The following CLRN1 variants were observed in gnomAD, a reference collection of about 807,000 sequenced individuals.
CLRN1 encodes the protein clarin-1.
In CLRN1, 15 loss-of-function variants were observed where a neutral mutation model predicts 18.7. The observed-to-expected ratio is 0.80, with a 90% CI of 0.54 to 1.23. The LOEUF is 1.23. CLRN1 is among the 50% of genes most tolerant of loss of function. The pLI is 0.00. For missense variants in CLRN1, 311 were observed against 277.5 expected (o/e 1.12, Z -0.86); for synonymous variants, 104 against 102.9 (o/e 1.01, Z -0.07).
At position 150,928,005 on chromosome 3, in the gene CLRN1, T is replaced by C; in HGVS notation, c.630A>G (p.Gly210=). The C allele has an allele frequency of 6.2e-7, 1 of 1,614,138 alleles. No individual in the cohort carries two copies. The highest frequency in any genetic ancestry group is 8.5e-7 in the Non-Finnish European group (1 of 1,180,018). ...TAGATTTTGCAAAAGGGAACTGAAA[T>C]CCAGCAAGTCGTATTAGGAGCCCAT... is the stretch of plus-strand genomic sequence containing the variant. ...FLNGLLIRLA[G]FQFPFAKSKD... Residue 210 remains glycine (G), a synonymous_variant, in exon 3 of 3, where the codon GGA becomes GGG. Transcript: ENST00000327047.
Position 150,927,870 on chromosome 3 carries a change from T to G in CLRN1, c.*66A>C, listed in dbSNP as rs1463442616. 6.3e-7 allele frequency: 1 copy of G among 1,588,282 alleles called. No individual in the cohort carries two copies. Among genetic ancestry groups the G allele is most frequent in the Non-Finnish European group, 8.6e-7 (1 of 1,157,980 alleles). Reference sequence around the variant, plus strand: ...ATGCAGACTAAAAGGATATGCAAAATTAACCACATCTAAAAGTGACCAAAG... The same window carrying G: ...ATGCAGACTAAAAGGATATGCAAAAGTAACCACATCTAAAAGTGACCAAAG... On this transcript the variant is annotated 3_prime_UTR_variant, in exon 3 of 3. Coordinates refer to ENST00000327047, the MANE Select transcript of CLRN1 (RefSeq NM_174878.3).
chr3:150,945,640 A>C (rs757681364), intron 1 of CLRN1: 51 of 1,284,762 alleles, frequency 4.0e-5, no homozygotes, highest in Admixed American at 3.5e-4. Flanking sequence ...TGGCCAGGTC[A>C]TTTGACTGCT....
intron 1 of CLRN1, among the ~76,000 whole-genome samples, chr3:150,952,481 G>A (rs1413886657): frequency 6.6e-6 from 1 of 152,142 alleles, no homozygotes; most frequent in Non-Finnish European, 1.5e-5. Flanking sequence ...TGTATTAAAA[G>A]CATTTTCAAT....
intron 2 of CLRN1, among the ~76,000 whole-genome samples, chr3:150,939,126 C>T (rs1713653807): frequency 6.6e-6 from 1 of 152,186 alleles, no homozygotes; most frequent in Admixed American, 6.5e-5. Context: ...CAGGTCAAGA[C>T]TCCCCAAACT....
chr3:150,948,464 AC>A (rs1324649216), intron 1 of CLRN1, among the ~76,000 whole-genome samples: 176 of 134,602 alleles, frequency 1.3e-3, no homozygotes, highest in African/African-American at 4.8e-3. Context: ...AGCCTGGGCG[AC>A]AGAGCGAGAC....
intron 2 of CLRN1, among the ~76,000 whole-genome samples, chr3:150,940,672 A>G (rs1413874824): frequency 1.3e-5 from 2 of 152,246 alleles, no homozygotes; most frequent in African/African-American, 2.4e-5. Context: ...TTGCAAAGTT[A>G]GAATGGGGTG....
intron 1 of CLRN1, among the ~76,000 whole-genome samples, chr3:150,959,797 A>G (rs1465755558): frequency 6.6e-6 from 1 of 151,980 alleles, no homozygotes; most frequent in Admixed American, 6.6e-5. Flanking sequence ...TTTTACTTCT[A>G]TCTGCTGGGG....
chr3:150,956,970 T>G (rs1474917814), intron 1 of CLRN1, among the ~76,000 whole-genome samples: 1 of 152,164 alleles, frequency 6.6e-6, no homozygotes, highest in African/African-American at 2.4e-5. Context: ...GAGGCTATCA[T>G]GGAATGCCCT....
At chr3:150,940,179 TATAGG>T (rs1713733389) in intron 2 of CLRN1, among the ~76,000 whole-genome samples, 1 of 152,228 alleles carries the variant, frequency 6.6e-6, no homozygotes, top group Non-Finnish European at 1.5e-5. Context: ...ACTCTTCTGT[TATAGG>T]ATAATCATCT....
chr3:150,953,221 G>T (rs558244104), intron 1 of CLRN1, among the ~76,000 whole-genome samples: 1 of 152,294 alleles, frequency 6.6e-6, no homozygotes, highest in African/African-American at 2.4e-5. Context: ...AGTCACTTCT[G>T]GTCTCCAGAA....
chr3:150,946,414 T>C (rs1714171819), intron 1 of CLRN1, among the ~76,000 whole-genome samples: 1 of 152,152 alleles, frequency 6.6e-6, no homozygotes, highest in South Asian at 2.1e-4. Flanking sequence ...CATGTGTGTC[T>C]AGGCAGAGAC....
At chr3:150,943,918 A>G in intron 1 of CLRN1, 1 of 1,612,280 alleles carries the variant, frequency 6.2e-7, no homozygotes, top group Non-Finnish European at 8.5e-7. Flanking sequence ...CCCTCCTGCA[A>G]GAGGTTGAGC....
intron 2 of CLRN1, among the ~76,000 whole-genome samples, chr3:150,933,847 C>A (rs535321694): frequency 2.0e-5 from 3 of 152,330 alleles, no homozygotes; most frequent in African/African-American, 7.2e-5. Flanking sequence ...TTAGCCACTG[C>A]CCTGCATATG....
chr3:150,934,731 A>G (rs1279717355), intron 2 of CLRN1, among the ~76,000 whole-genome samples: 1 of 152,118 alleles, frequency 6.6e-6, no homozygotes, highest in Non-Finnish European at 1.5e-5. Context: ...GCCGCAACTA[A>G]AAACTATGAA....
chr3:150,948,265 A>C (rs1342159632), intron 1 of CLRN1, among the ~76,000 whole-genome samples: 2 of 150,992 alleles, frequency 1.3e-5, no homozygotes, highest in Non-Finnish European at 1.5e-5. Flanking sequence ...CGGGCGGATC[A>C]CGAGGTCAGG....
intron 1 of CLRN1, among the ~76,000 whole-genome samples, chr3:150,953,664 C>T (rs765261917): frequency 2.0e-5 from 3 of 152,048 alleles, no homozygotes; most frequent in Non-Finnish European, 4.4e-5. Context: ...ATTACAAGCA[C>T]GCACCACCAA....
At chr3:150,959,185 T>G (rs939306387) in intron 1 of CLRN1, among the ~76,000 whole-genome samples, 1 of 151,804 alleles carries the variant, frequency 6.6e-6, no homozygotes, top group Non-Finnish European at 1.5e-5. Flanking sequence ...ATCCTCTAAC[T>G]CTCTTCACAT....
intron 1 of CLRN1, chr3:150,944,351 T>C (rs968087163): frequency 5.4e-6 from 1 of 186,178 alleles, no homozygotes; most frequent in South Asian, 1.1e-4. Context: ...ACTAGAGAAT[T>C]TTAAGTAGGA....
At chr3:150,962,548 C>T (rs764888709) in intron 1 of CLRN1, among the ~76,000 whole-genome samples, 5 of 152,032 alleles carry the variant, frequency 3.3e-5, no homozygotes, top group Non-Finnish European at 7.4e-5. Context: ...GAATCAAATG[C>T]CATGTGCCTG....
Sources: gnomAD v4.1 joint callset for allele counts (sites outside exome capture counted in the v4.1 genomes callset) on GRCh38, gnomAD v4.1.1 for gene constraint, MANE v1.5 for transcripts, NCBI Gene and HGNC (gene_info 2026-07-23, HGNC 2026-07-21) for gene names.